BCAR3: variants seen among roughly 807,000 people sequenced by gnomAD.
BCAR3 encodes the protein BCAR3 adaptor protein, NSP family member.
A neutral mutation model predicts 80.1 loss-of-function variants in BCAR3; 37 were observed. That is an observed-to-expected ratio of 0.46 (90% CI 0.36 to 0.61). BCAR3 has a LOEUF of 0.61. Ranked by LOEUF, BCAR3 falls within the 20% of genes least tolerant of loss-of-function variation. The probability of loss-of-function intolerance (pLI) is 0.00; values close to 1 mark genes in which losing one functional copy is unlikely to be tolerated. For missense variants in BCAR3, 978 were observed against 1,068.2 expected (o/e 0.92, Z 1.18); for synonymous variants, 389 against 418.9 (o/e 0.93, Z 0.87).
chr1:93,592,050 C>T lies in BCAR3; in HGVS notation c.486+215G>A, dbSNP rs1305231776. 1 of 599,366 alleles carries T rather than the reference C, an allele frequency of 1.7e-6. No individual in the cohort carries two copies. The highest frequency in any genetic ancestry group is 2.7e-6 in the Non-Finnish European group (1 of 367,980). 37.1% of individuals were successfully genotyped at this position (599,366 alleles called of 1,614,324 possible). A position where few individuals can be genotyped will look rare whatever the true frequency, so the allele number is the denominator to read the frequency against. ...AGGAGCGCTGGCTGTCCCTTCACTT[C>T]CTGAACATGTGGATGTGTGCTTTGG... On this transcript the variant is annotated intron_variant, in intron 4 of 11. Coordinates refer to ENST00000260502, the MANE Select transcript of BCAR3 (RefSeq NM_003567.4). The surrounding 1 kb of genome is among the most constrained non-coding windows in gnomAD (Gnocchi z 4.8).
intron 2 of BCAR3, among the ~76,000 whole-genome samples, chr1:93,644,016 T>C (rs748283784): frequency 6.6e-6 from 1 of 152,216 alleles, no homozygotes; most frequent in Non-Finnish European, 1.5e-5. Flanking sequence ...GGGTTTTATT[T>C]AACCCTATAT....
At chr1:93,646,141 G>C (rs1676142942) in intron 2 of BCAR3, among the ~76,000 whole-genome samples, 1 of 152,096 alleles carries the variant, frequency 6.6e-6, no homozygotes. Context: ...ATACTTAAAA[G>C]ACTAGTCAAA....
chr1:93,586,963 T>TG lies in BCAR3; in HGVS notation c.929+2013dup, dbSNP rs1673970382. Among the ~76,000 whole-genome samples the TG allele has an allele frequency of 6.6e-6, 1 of 152,138 alleles. No homozygotes were observed. ...TTAATTTTTGCATTTTTAGTAGAGA[T>TG]GGGGTTTTGCCATGTTGGCCAGGTT... On this transcript the variant is annotated intron_variant, in intron 5 of 11. Transcript: ENST00000260502. This position sits in a 1 kb window ranked among gnomAD's most constrained non-coding sequence, Gnocchi z 4.2.
intron 2 of BCAR3, among the ~76,000 whole-genome samples, chr1:93,798,317 C>G (rs1215416492): frequency 6.6e-6 from 1 of 152,198 alleles, no homozygotes; most frequent in Non-Finnish European, 1.5e-5. Context: ...GCCATCTCTA[C>G]AGTTTCATTT....
chr1:93,778,604 C>T (rs140488156), intron 2 of BCAR3, among the ~76,000 whole-genome samples: 10 of 151,816 alleles, frequency 6.6e-5, no homozygotes, highest in South Asian at 4.2e-4. Flanking sequence ...CTGTTTCTAA[C>T]GCTTGTTGCA....
At chr1:93,564,427 C>T (rs898785311) in intron 11 of BCAR3, among the ~76,000 whole-genome samples, 19 of 151,396 alleles carry the variant, frequency 1.3e-4, no homozygotes, top group South Asian at 4.2e-4. Flanking sequence ...TACAGGCATG[C>T]GCCACCACGC....
At chr1:93,573,551 CCTT>C (rs1673309858) in intron 8 of BCAR3, among the ~76,000 whole-genome samples, 1 of 151,642 alleles carries the variant, frequency 6.6e-6, no homozygotes. Context: ...CCATTTATCT[CCTT>C]CTCCTGATTT....
In BCAR3 at chr1:93,735,139, A is replaced by G. The variant is rs112321663; in HGVS notation, c.-62-28997T>C. 9.1e-4 allele frequency among the ~76,000 whole-genome samples: 138 copies of G among 152,356 alleles called. 3 individuals carry two copies. Among genetic ancestry groups the G allele is most frequent in the African/African-American group, 3.2e-3 (133 of 41,578 alleles). On this transcript the variant is annotated intron_variant, in intron 2 of 13. Coordinates refer to the BCAR3 transcript ENST00000370244. ...CAGTAGATATTTGTTGATGCAATGC[A>G]AACAATGTGAGTTTTAGGCCCTTTG...
chr1:93,589,116 C>T lies in BCAR3; in HGVS notation c.790G>A (p.Glu264Lys). The change falls in exon 5 of 12, where the codon GAG becomes AAG. Residue 264 changes from glutamate (E) to lysine (K), a missense_variant. Glu to Lys is a moderately conservative substitution (Grantham distance 56). Transcript: ENST00000260502. The stretch of plus-strand genomic sequence containing the variant: ...TGGCCTGGGGAGGTGCCATAATGCT[C>T]CTCCAGGCACCGCAGAGGCACCGTC... ...NRTVPLRCLE[E>K]HYGTSPGQAR... The T allele has an allele frequency of 6.2e-7, 1 of 1,612,930 alleles. No individual in the cohort carries two copies. Among genetic ancestry groups the T allele is most frequent in the South Asian group, 1.1e-5 (1 of 91,000 alleles).
intron 2 of BCAR3, among the ~76,000 whole-genome samples, chr1:93,740,284 C>T (rs1651132332): frequency 6.6e-6 from 1 of 152,202 alleles, no homozygotes; most frequent in South Asian, 2.1e-4. Context: ...TGTTCTTTCC[C>T]ACAGACACAG....
At chr1:93,839,216 C>T (rs1288966564) in intron 2 of BCAR3, among the ~76,000 whole-genome samples, 3 of 152,036 alleles carry the variant, frequency 2.0e-5, no homozygotes, top group Non-Finnish European at 4.4e-5. Context: ...TCGCTTGAAT[C>T]GTGGAGGTTG....
chr1:93,589,111 A>G lies in BCAR3; in HGVS notation c.795T>C (p.His265=). The G allele has an allele frequency of 6.2e-7, 1 of 1,612,782 alleles. No individual in the cohort carries two copies. The highest frequency in any genetic ancestry group is 8.5e-7 in the Non-Finnish European group (1 of 1,179,400). The part of the protein sequence containing the change: ...RTVPLRCLEE[H]YGTSPGQARE... ...GGGCCTGGCCTGGGGAGGTGCCATA[A>G]TGCTCCTCCAGGCACCGCAGAGGCA... Residue 265 remains histidine, a synonymous_variant, in exon 5 of 12, where the codon CAT becomes CAC. Coordinates refer to ENST00000260502, the MANE Select transcript of BCAR3 (RefSeq NM_003567.4).
chr1:93,688,974 AAAC>A (rs1319904011), intron 3 of BCAR3, among the ~76,000 whole-genome samples: 1 of 152,156 alleles, frequency 6.6e-6, no homozygotes. Context: ...TGTTACTTAA[AAAC>A]AAATTCAAAA....
chr1:93,844,587 G>A (rs1417906711), intron 2 of BCAR3, among the ~76,000 whole-genome samples: 1 of 152,114 alleles, frequency 6.6e-6, no homozygotes, highest in East Asian at 1.9e-4. Context: ...CTCCCCAGAT[G>A]GCAACTAAAT....
intron 2 of BCAR3, among the ~76,000 whole-genome samples, chr1:93,715,487 T>C (rs1286612362): frequency 1.3e-5 from 2 of 152,124 alleles, no homozygotes; most frequent in Admixed American, 6.5e-5. Flanking sequence ...TCTCAGCTGA[T>C]TGATGATGGG....
At chr1:93,840,438 T>C (rs1016421885) in intron 2 of BCAR3, among the ~76,000 whole-genome samples, 2 of 152,212 alleles carry the variant, frequency 1.3e-5, no homozygotes, top group Non-Finnish European at 2.9e-5. Flanking sequence ...ACTTCATTAT[T>C]ATTTTCAACT....
Position 93,681,704 on chromosome 1 carries a change from C to G in BCAR3, c.-118G>C, listed in dbSNP as rs1648773697. 6.6e-6 allele frequency: 1 copy of G among 151,778 alleles called. No homozygotes were observed. The allele number at this position is 151,778 out of a possible 1,614,324, so 9.4% of individuals were successfully genotyped here. A position where few individuals can be genotyped will look rare whatever the true frequency, so the allele number is the denominator to read the frequency against. ...TCGCACCGCCCGCGCCGCGGCTGCT[C>G]CCGGAGCTGGGGACGCTCATGGTCC... is the stretch of plus-strand genomic sequence containing the variant. On this transcript the variant is annotated 5_prime_UTR_variant, in exon 1 of 12. Coordinates refer to ENST00000260502, the MANE Select transcript of BCAR3 (RefSeq NM_003567.4).
At chr1:93,665,304 GA>G (rs1647848647) in intron 2 of BCAR3, among the ~76,000 whole-genome samples, 1 of 151,886 alleles carries the variant, frequency 6.6e-6, no homozygotes, top group Admixed American at 6.6e-5. Flanking sequence ...GGGTGGCCCT[GA>G]AAACATGTCT....
rs754541949 is a variant in BCAR3 at position 93,749,886 on chromosome 1, C to CTTTTTTTT, written c.-62-43745_-62-43744insAAAAAAAA. On this transcript the variant is annotated intron_variant, in intron 2 of 13. Transcript: ENST00000370244. ...GTAATTTGCTTAAAGATGATCTTGA[C>CTTTTTTTT]TTATTTTTTTTTTTTTTTTGCTTCT... is the stretch of plus-strand genomic sequence containing the variant. Among the ~76,000 whole-genome samples the CTTTTTTTT allele has an allele frequency of 1.9e-4, 27 of 140,432 alleles. 1 individual carries two copies. The highest frequency in any genetic ancestry group is 4.2e-4 in the East Asian group (2 of 4,746). 92.1% of individuals were successfully genotyped at this position (140,432 alleles called of 152,430 possible).
Sources: allele counts gnomAD v4.1 joint callset (sites outside exome capture counted in the v4.1 genomes callset), GRCh38; gene constraint gnomAD v4.1.1; non-coding constraint Gnocchi (gnomAD v3.1); transcripts MANE v1.5; gene names NCBI Gene and HGNC (gene_info 2026-07-23, HGNC 2026-07-21).